The following INPP5A variants were observed in gnomAD, a reference collection of about 807,000 sequenced individuals.
The protein encoded by INPP5A is 43 kDa inositol polyphosphate 5-phophatase.
INPP5A carries 14 observed loss-of-function variants against 65.2 expected under a neutral mutation model. The observed-to-expected ratio is 0.21, with a 90% confidence interval of 0.14 to 0.34. The LOEUF is 0.34. INPP5A is among the 10% of genes least tolerant of loss of function. The pLI is 1.00. For synonymous variants in INPP5A, 207 were observed against 208.3 expected (o/e 0.99, Z 0.05); for missense variants, 431 against 545.6 (o/e 0.79, Z 2.09).
At chr10:132,749,955 TC>T in intron 11 of INPP5A, 110 bp downstream of exon 11, 2 of 951,848 alleles carry the variant, frequency 2.1e-6, no homozygotes. Context: ...CCCTGCCACC[TC>T]CAGGACTCAG....
chr10:132,769,805 C>CAA (rs1554959095), intron 12 of INPP5A, among the ~76,000 whole-genome samples: 2 of 98,184 alleles, frequency 2.0e-5, no homozygotes, highest in Non-Finnish European at 5.3e-5. Flanking sequence ...GTAGCTCCCC[C>CAA]CCCCCAAGTT....
chr10:132,607,283 G>A (rs1461328000), intron 1 of INPP5A, among the ~76,000 whole-genome samples: 1 of 152,238 alleles, frequency 6.6e-6, no homozygotes, highest in Non-Finnish European at 1.5e-5. Context: ...CTGGGTCTCT[G>A]GCGGGGCTGG....
Position 132,538,629 on chromosome 10 carries a change from C to T in INPP5A, c.75+458C>T, listed in dbSNP as rs531280286. On this transcript the variant is annotated intron_variant, in intron 1 of 15. Coordinates refer to ENST00000368594, the MANE Select transcript of INPP5A (RefSeq NM_005539.5). The surrounding 1 kb of genome is among the most constrained non-coding windows in gnomAD (Gnocchi z 4.1). ...GAACCCTGGCCCTGGAATGCCCATC[C>T]CCAACCCTGGCCCTGAACCCCAGGT... Among the ~76,000 whole-genome samples the T allele has an allele frequency of 1.3e-5, 2 of 152,248 alleles. No homozygotes were observed. Among genetic ancestry groups the T allele is most frequent in the African/African-American group, 4.8e-5 (2 of 41,538 alleles).
intron 8 of INPP5A, among the ~76,000 whole-genome samples, chr10:132,712,727 C>T (rs1233832429): frequency 1.4e-5 from 2 of 146,364 alleles, no homozygotes; most frequent in Non-Finnish European, 3.0e-5. Flanking sequence ...CAGGTGTATG[C>T]ATGTGTAGGT....
intron 9 of INPP5A, among the ~76,000 whole-genome samples, chr10:132,745,987 A>C (rs1468615453): frequency 9.5e-6 from 1 of 105,002 alleles, no homozygotes; most frequent in Non-Finnish European, 2.5e-5. Context: ...AGCCTCGCCT[A>C]CCCTGCCTAC....
intron 8 of INPP5A, among the ~76,000 whole-genome samples, chr10:132,717,145 C>A (rs1845754182): frequency 6.6e-6 from 1 of 151,698 alleles, no homozygotes; most frequent in African/African-American, 2.4e-5. Context: ...CGCCTTCTCA[C>A]TGCGTCCTCA....
chr10:132,691,776 G>C (rs1327274448), intron 5 of INPP5A, among the ~76,000 whole-genome samples: 1 of 152,322 alleles, frequency 6.6e-6, no homozygotes, highest in Non-Finnish European at 1.5e-5. Context: ...CACAGGAGGC[G>C]TGTGGACGCG....
intron 4 of INPP5A, among the ~76,000 whole-genome samples, chr10:132,668,565 A>G (rs113576936): frequency 0.035 from 5,354 of 152,326 alleles, 304 homozygotes; most frequent in African/African-American, 0.12. Context: ...ATCACTATCC[A>G]TAATGGCTTT....
At chr10:132,604,211 G>A (rs1379611780) in intron 1 of INPP5A, among the ~76,000 whole-genome samples, 10 of 144,334 alleles carry the variant, frequency 6.9e-5, no homozygotes, top group Non-Finnish European at 1.5e-4. Context: ...TGCTGTCAGG[G>A]TCCCCTCTCC....
chr10:132,756,166 G>C (rs369127847), intron 11 of INPP5A, among the ~76,000 whole-genome samples: 2 of 151,528 alleles, frequency 1.3e-5, no homozygotes, highest in African/African-American at 4.8e-5. Context: ...AAGCAAGTGT[G>C]GGGGGGGAGT....
Position 132,698,958 on chromosome 10 carries a change from C to T in INPP5A, c.474+1039C>T, listed in dbSNP as rs116011242. Among the ~76,000 whole-genome samples the T allele has an allele frequency of 0.01, 1,532 of 152,328 alleles. 24 individuals carry two copies. Among genetic ancestry groups the T allele is most frequent in the African/African-American group, 0.035 (1,454 of 41,568 alleles). On this transcript the variant is annotated intron_variant, in intron 6 of 15. Coordinates refer to ENST00000368594, the MANE Select transcript of INPP5A (RefSeq NM_005539.5). This position sits in a 1 kb window ranked among gnomAD's most constrained non-coding sequence, Gnocchi z 5.5. ...ATGGGGTGCTCCTGTCACCCTGTGG[C>T]TCGGCCTCCTCATCCGTCTTCCCAA...
At chr10:132,567,862 G>A (rs930395497) in intron 1 of INPP5A, among the ~76,000 whole-genome samples, 1 of 151,990 alleles carries the variant, frequency 6.6e-6, no homozygotes, top group African/African-American at 2.4e-5. Flanking sequence ...ATATAACTTA[G>A]TGCTTAATTA....
chr10:132,667,754 T>G lies in INPP5A; in HGVS notation c.306+17249T>G, dbSNP rs536931584. Among the ~76,000 whole-genome samples the G allele has an allele frequency of 2.0e-4, 30 of 152,264 alleles. 1 individual carries two copies. The South Asian group carries it at 6.0e-3, about 31-fold the overall frequency. The stretch of plus-strand genomic sequence containing the variant: ...GGAGCAGATGATGGGGAATTAAACA[T>G]TAAAGGGTCCTCAGGGGGCCGTGTG... On this transcript the variant is annotated intron_variant, in intron 4 of 15. Transcript: ENST00000368594.
intron 2 of INPP5A, among the ~76,000 whole-genome samples, chr10:132,623,396 GTTT>G (rs528742476): frequency 2.1e-5 from 3 of 141,902 alleles, no homozygotes; most frequent in Non-Finnish European, 3.1e-5. Context: ...GAAAGGAACA[GTTT>G]TTTTTTTTTT....
rs182907647 is a variant in INPP5A, at chr10:132,587,777, G to A, written c.76-20138G>A. ...CCCCAGCACTTTGGGAGGCCGAGGC[G>A]AGGCGGGCAGATTATCTGAGGCCAG... On this transcript the variant is annotated intron_variant, in intron 1 of 15. Transcript: ENST00000368594. This position sits in a 1 kb window ranked among gnomAD's most constrained non-coding sequence, Gnocchi z 4.3. Among the ~76,000 whole-genome samples, 241 of 152,160 alleles carry A rather than the reference G, an allele frequency of 1.6e-3. 5 individuals carry two copies. The highest frequency in any genetic ancestry group is 3.4e-3 in the Middle Eastern group (1 of 294).
chr10:132,728,608 A>G (rs1458875898), intron 9 of INPP5A, among the ~76,000 whole-genome samples: 1 of 152,212 alleles, frequency 6.6e-6, no homozygotes, highest in African/African-American at 2.4e-5. Flanking sequence ...TCCACAGTGC[A>G]CATAAGTACT....
chr10:132,559,666 C>A (rs983091486), intron 1 of INPP5A, among the ~76,000 whole-genome samples: 62 of 146,382 alleles, frequency 4.2e-4, no homozygotes, highest in African/African-American at 1.7e-3. Context: ...TTCCAGGGAC[C>A]TCAGTTACTC....
chr10:132,700,639 G>A (rs1005009772), intron 6 of INPP5A, among the ~76,000 whole-genome samples: 1 of 151,710 alleles, frequency 6.6e-6, no homozygotes, highest in African/African-American at 2.4e-5. Flanking sequence ...CTGGCAGCCT[G>A]GCCGGGCCCG....
chr10:132,739,261 A>G (rs1846231619), intron 9 of INPP5A, among the ~76,000 whole-genome samples: 1 of 145,944 alleles, frequency 6.9e-6, no homozygotes. Context: ...GAGCATGGGC[A>G]CGTGCCCCCG....
Sources: allele counts gnomAD v4.1 joint callset (sites outside exome capture counted in the v4.1 genomes callset), GRCh38; gene constraint gnomAD v4.1.1; non-coding constraint Gnocchi (gnomAD v3.1); transcripts MANE v1.5; gene names NCBI Gene and HGNC (gene_info 2026-07-23, HGNC 2026-07-21).